Variants in MICU3 observed in about 807,000 individuals in gnomAD.
MICU3 encodes mitochondrial calcium uptake 3.
Under a neutral mutation model 66.5 loss-of-function variants are expected in MICU3, and 62 were observed. The observed-to-expected ratio is 0.93, with a 90% CI of 0.76 to 1.15. The LOEUF (loss-of-function observed/expected upper bound fraction) is 1.15. Among genes scored for constraint, MICU3 ranks in the 50% most tolerant of loss-of-function variants. The pLI is 0.00. For missense variants in MICU3, 779 were observed against 664.4 expected, an observed-to-expected ratio of 1.17 and a Z score of -1.90; for synonymous variants, 308 against 240.7, an observed-to-expected ratio of 1.28 and a Z score of -2.59.
the MICU3 span, among the ~76,000 whole-genome samples, chr8:17,137,520 T>TAA: frequency 0.012 from 1,455 of 120,734 alleles, 28 homozygotes; most frequent in African/African-American, 0.04. Context: ...CTGCTTTTTT[T>TAA]TAAAAAAAAA....
rs763938987 is a variant in MICU3, at chr8:17,027,311, C to T, written c.32C>T (p.Pro11Leu). Residue 11 changes from proline (P) to leucine (L), a missense_variant, in exon 1 of 15, where the codon CCA becomes CTA. Transcript: ENST00000318063. Reference sequence around the variant, plus strand: ...GCGCTGCGAAGGCTCTTGTGGCCGCCACCCCGGGTGTCTCCTCCACTCTGC... The same window carrying T: ...GCGCTGCGAAGGCTCTTGTGGCCGCTACCCCGGGTGTCTCCTCCACTCTGC... MAALRRLLWP[P>L]PRVSPPLCAH... 2.8e-6 allele frequency: 4 copies of T among 1,419,168 alleles called. No individual in the cohort carries two copies. Among genetic ancestry groups the T allele is most frequent in the Non-Finnish European group, 3.7e-6 (4 of 1,079,554 alleles). 87.9% of individuals were successfully genotyped at this position (1,419,168 alleles called of 1,614,324 possible).
intron 12 of MICU3, among the ~76,000 whole-genome samples, chr8:17,114,402 T>C (rs551122046): frequency 1.3e-5 from 2 of 152,108 alleles, no homozygotes; most frequent in Admixed American, 6.5e-5. Flanking sequence ...CTGGGTGACA[T>C]TGAGGGACTT....
At chr8:17,057,030 G>A (rs975730996) in intron 1 of MICU3, among the ~76,000 whole-genome samples, 1 of 152,216 alleles carries the variant, frequency 6.6e-6, no homozygotes, top group African/African-American at 2.4e-5. Context: ...TCTGTCAACA[G>A]GTTAAGCTAA....
chr8:17,107,954 T>A (rs1250900294), intron 11 of MICU3, among the ~76,000 whole-genome samples: 1 of 152,178 alleles, frequency 6.6e-6, no homozygotes, highest in African/African-American at 2.4e-5. Context: ...TAAGATACTG[T>A]TATAGGTGCC....
At chr8:17,111,921 A>T (rs77061944) in intron 11 of MICU3, among the ~76,000 whole-genome samples, 1 of 152,174 alleles carries the variant, frequency 6.6e-6, no homozygotes, top group Non-Finnish European at 1.5e-5. Context: ...AAAACTTACA[A>T]TCATGGCGGA....
chr8:17,045,826 G>C (rs1055125448), intron 1 of MICU3, among the ~76,000 whole-genome samples: 6 of 152,190 alleles, frequency 3.9e-5, no homozygotes, highest in Non-Finnish European at 7.3e-5. Flanking sequence ...GGCATGTACA[G>C]GGGAACTCCC....
At chr8:17,029,600 C>T (rs956193375) in intron 1 of MICU3, among the ~76,000 whole-genome samples, 31 of 152,134 alleles carry the variant, frequency 2.0e-4, no homozygotes, top group Non-Finnish European at 8.8e-5. Flanking sequence ...AGTCCTGTGT[C>T]TTATGCTTCC....
chr8:17,051,668 G>A (rs1382128207), intron 1 of MICU3, among the ~76,000 whole-genome samples: 1 of 152,180 alleles, frequency 6.6e-6, no homozygotes, highest in Non-Finnish European at 1.5e-5. Flanking sequence ...GCCACCAACT[G>A]TGTCAAATGC....
chr8:17,117,265 A>G (rs956695842), intron 13 of MICU3, among the ~76,000 whole-genome samples: 5 of 152,148 alleles, frequency 3.3e-5, no homozygotes, highest in African/African-American at 9.7e-5. Flanking sequence ...GGAATGAACC[A>G]CCACACCTGG....
intron 1 of MICU3, among the ~76,000 whole-genome samples, chr8:17,030,870 T>G (rs1811907158): frequency 6.6e-6 from 1 of 152,220 alleles, no homozygotes; most frequent in Non-Finnish European, 1.5e-5. Context: ...TCTGTTCTCT[T>G]AAGTCAATTA....
At chr8:17,028,033 A>G (rs74614084) in intron 1 of MICU3, among the ~76,000 whole-genome samples, 5,678 of 152,224 alleles carry the variant, frequency 0.037, 151 homozygotes, top group Non-Finnish European at 0.056. Flanking sequence ...GGCGACAGCT[A>G]ATGACCCAGG....
In MICU3 at chr8:17,098,574, G is replaced by T. The variant is rs754110052; in HGVS notation, c.984+21G>T. ...CAGAGGTATAATTAAACCTCAACAAGGTCCTTGTACTATTTGCCATCTTGT... is the reference window on the plus strand; with the variant it reads ...CAGAGGTATAATTAAACCTCAACAATGTCCTTGTACTATTTGCCATCTTGT... On this transcript the variant is annotated intron_variant, in intron 9 of 14. Transcript: ENST00000318063. 2.7e-6 allele frequency: 4 copies of T among 1,493,696 alleles called. No homozygotes were observed. The Admixed American group carries it at 5.1e-5, about 19-fold the overall frequency. 92.5% of individuals were successfully genotyped at this position (1,493,696 alleles called of 1,614,324 possible).
At chr8:17,065,718 A>T (rs1818575022) in intron 2 of MICU3, among the ~76,000 whole-genome samples, 2 of 152,210 alleles carry the variant, frequency 1.3e-5, no homozygotes, top group African/African-American at 4.8e-5. Flanking sequence ...AAGGTTATTG[A>T]TGGTTTTTTA....
chr8:17,077,762 G>C lies in MICU3; in HGVS notation c.568-21G>C, dbSNP rs758768309. On this transcript the variant is annotated intron_variant, in intron 3 of 14. Transcript: ENST00000318063. ...TAGTAAGTTGTTTACCAATTCATCA[G>C]TAGTATAACTTCTGTCATAGGAATT... 5.1e-6 allele frequency: 8 copies of C among 1,553,542 alleles called. No homozygotes were observed. In the East Asian group the frequency reaches 1.6e-4, roughly 31 times the overall value.
intron 1 of MICU3, among the ~76,000 whole-genome samples, chr8:17,038,282 G>T (rs1452177073): frequency 6.6e-6 from 1 of 152,096 alleles, no homozygotes; most frequent in Non-Finnish European, 1.5e-5. Flanking sequence ...GGAGATAATT[G>T]AATCGTGGGG....
intron 5 of MICU3, among the ~76,000 whole-genome samples, chr8:17,083,748 CAAT>C (rs1821531899): frequency 6.6e-6 from 1 of 152,060 alleles, no homozygotes; most frequent in Non-Finnish European, 1.5e-5. Context: ...CAAGTCCAGT[CAAT>C]GATGCTATCC....
At chr8:17,049,431 G>A (rs1284268868) in intron 1 of MICU3, among the ~76,000 whole-genome samples, 4 of 152,162 alleles carry the variant, frequency 2.6e-5, no homozygotes, top group South Asian at 2.1e-4. Context: ...AAGAGGTAGA[G>A]TCTCTTGATT....
chr8:17,133,564 A>G, the MICU3 span, among the ~76,000 whole-genome samples: 1 of 152,026 alleles, frequency 6.6e-6, no homozygotes, highest in Non-Finnish European at 1.5e-5. Context: ...CCATTTCCTT[A>G]CTGCTTTTAA....
chr8:17,090,649 A>G (rs1799952826), intron 8 of MICU3, 65 bp downstream of exon 8: 1 of 1,265,328 alleles, frequency 7.9e-7, no homozygotes, highest in Non-Finnish European at 1.1e-6. Flanking sequence ...TGATAATGTT[A>G]TTTCTTTATA....
Sources: gnomAD v4.1 joint callset for allele counts (sites outside exome capture counted in the v4.1 genomes callset) on GRCh38, gnomAD v4.1.1 for gene constraint, MANE v1.5 for transcripts, NCBI Gene and HGNC (gene_info 2026-07-23, HGNC 2026-07-21) for gene names.